The following CHRM3 variants were observed in gnomAD, a reference collection of about 807,000 sequenced individuals.
The protein encoded by CHRM3 is muscarinic acetylcholine receptor M3.
A neutral mutation model predicts 41.8 loss-of-function variants in CHRM3; 11 were observed. The observed-to-expected ratio is 0.26, with a 90% confidence interval of 0.17 to 0.44. CHRM3 has a LOEUF of 0.44. CHRM3 is among the 20% of genes least tolerant of loss of function. The pLI, the probability that CHRM3 is intolerant of heterozygous loss-of-function variation, is 1.00. For missense variants in CHRM3, 571 were observed against 745.4 expected (o/e 0.77, Z 2.72); for synonymous variants, 297 against 301.4 (o/e 0.99, Z 0.15).
At chr1:239,778,045 C>T (rs1668234655) in intron 5 of CHRM3, among the ~76,000 whole-genome samples, 1 of 152,096 alleles carries the variant, frequency 6.6e-6, no homozygotes, top group African/African-American at 2.4e-5. Context: ...ACTAAAATCT[C>T]AGAAATCACC....
intron 1 of CHRM3, among the ~76,000 whole-genome samples, chr1:239,490,739 ATTAT>A (rs1428251311): frequency 1.3e-5 from 2 of 151,628 alleles, no homozygotes; most frequent in Non-Finnish European, 2.9e-5. Context: ...TTTTGTATTT[ATTAT>A]TTATTTATTT....
intron 5 of CHRM3, among the ~76,000 whole-genome samples, chr1:239,802,263 TAACA>T (rs1443168331): frequency 6.6e-6 from 1 of 152,182 alleles, no homozygotes; most frequent in East Asian, 1.9e-4. Flanking sequence ...TTCAAGCTAA[TAACA>T]AACAATTAAG....
intron 1 of CHRM3, among the ~76,000 whole-genome samples, chr1:239,390,855 G>A (rs888323397): frequency 2.6e-5 from 4 of 152,150 alleles, no homozygotes; most frequent in Non-Finnish European, 4.4e-5. Context: ...AATAATTTTG[G>A]TCTGGGCACA....
At chr1:239,708,736 CTTTTTTTTTT>C (rs869143310) in intron 5 of CHRM3, among the ~76,000 whole-genome samples, 17 of 48,342 alleles carry the variant, frequency 3.5e-4, no homozygotes, top group East Asian at 1.6e-3. Flanking sequence ...TTTAAATTTT[CTTTTTTTTTT>C]TTTTTTTTTT....
chr1:239,511,330 G>A (rs1236556201), intron 2 of CHRM3, among the ~76,000 whole-genome samples: 1 of 152,150 alleles, frequency 6.6e-6, no homozygotes, highest in African/African-American at 2.4e-5. Context: ...TTTTCTTGTA[G>A]TTGTCATCTT....
chr1:239,818,659 G>A (rs1483710161), intron 5 of CHRM3, among the ~76,000 whole-genome samples: 1 of 152,150 alleles, frequency 6.6e-6, no homozygotes, highest in Non-Finnish European at 1.5e-5. Flanking sequence ...TTTATGACAA[G>A]CTTAATTTCA....
rs545390756 is a variant in CHRM3 at position 239,908,369 on chromosome 1, G to T, written c.918G>T (p.Arg306Ser). Residue 306 changes from arginine (R) to serine (S), a missense_variant, in exon 7 of 7, where the codon AGG becomes AGT. This residue lies in a region of CHRM3 where 239 missense variants were observed against 239.6 expected (regional missense o/e 1.00). Coordinates refer to ENST00000676153, the MANE Select transcript of CHRM3 (RefSeq NM_001375978.1). This position sits in a 1 kb window ranked among gnomAD's most constrained non-coding sequence, Gnocchi z 7.2. ...AAAGCATGAAACGCTCCAACAGGAGGAAGTATGGCCGCTGCCACTTCTGGT... is the reference window on the plus strand; with the variant it reads ...AAAGCATGAAACGCTCCAACAGGAGTAAGTATGGCCGCTGCCACTTCTGGT... ...QQQSMKRSNR[R>S]KYGRCHFWFT... 6 of 1,614,066 alleles carry T rather than the reference G, an allele frequency of 3.7e-6. No individual in the cohort carries two copies. In the African/African-American group the frequency reaches 5.3e-5, roughly 14 times the overall value.
At chr1:239,513,148 G>A (rs1669035640) in intron 2 of CHRM3, among the ~76,000 whole-genome samples, 1 of 152,134 alleles carries the variant, frequency 6.6e-6, no homozygotes, top group Non-Finnish European at 1.5e-5. Context: ...TATTTTAGAT[G>A]TTTTTATGGG....
intron 1 of CHRM3, among the ~76,000 whole-genome samples, chr1:239,408,583 T>TAA (rs1166445470): frequency 6.6e-6 from 1 of 151,436 alleles, no homozygotes; most frequent in Non-Finnish European, 1.5e-5. Context: ...GGGTATGTCC[T>TAA]TATAGCAGCG....
chr1:239,885,638 C>A (rs770748558), intron 6 of CHRM3, among the ~76,000 whole-genome samples: 1 of 152,156 alleles, frequency 6.6e-6, no homozygotes, highest in Non-Finnish European at 1.5e-5. Context: ...AAGTGTACTT[C>A]AGCGACGCAT....
At chr1:239,436,582 C>A (rs903280283) in intron 1 of CHRM3, among the ~76,000 whole-genome samples, 2 of 151,910 alleles carry the variant, frequency 1.3e-5, no homozygotes, top group African/African-American at 4.8e-5. Flanking sequence ...CATTCAGGAA[C>A]AGCCAAGGGA....
chr1:239,763,542 A>G (rs112587847), intron 5 of CHRM3, among the ~76,000 whole-genome samples: 2,592 of 152,336 alleles, frequency 0.017, 32 homozygotes, highest in Non-Finnish European at 0.027. Context: ...TAGAACAAAT[A>G]GTAATCCCAA....
intron 1 of CHRM3, among the ~76,000 whole-genome samples, chr1:239,399,136 G>A (rs1659744639): frequency 6.6e-6 from 1 of 152,154 alleles, no homozygotes; most frequent in African/African-American, 2.4e-5. Flanking sequence ...TGATGATGAT[G>A]ATGACTGCTG....
intron 1 of CHRM3, among the ~76,000 whole-genome samples, chr1:239,468,146 T>G (rs1665866295): frequency 6.6e-6 from 1 of 152,184 alleles, no homozygotes; most frequent in South Asian, 2.1e-4. Context: ...ACTGCTGTTG[T>G]CCCAGGGTTC....
intron 1 of CHRM3, among the ~76,000 whole-genome samples, chr1:239,421,617 T>G (rs1263220111): frequency 6.6e-6 from 1 of 152,212 alleles, no homozygotes; most frequent in African/African-American, 2.4e-5. Context: ...ATAACTTCTT[T>G]GCTCTCTAAA....
intron 4 of CHRM3, among the ~76,000 whole-genome samples, chr1:239,670,117 C>T (rs559536553): frequency 1.3e-5 from 2 of 152,266 alleles, no homozygotes; most frequent in South Asian, 4.1e-4. Context: ...ATAACAAGCG[C>T]TCATCTTTAG....
chr1:239,418,971 G>A (rs1446341464), intron 1 of CHRM3, among the ~76,000 whole-genome samples: 1 of 152,134 alleles, frequency 6.6e-6, no homozygotes, highest in Non-Finnish European at 1.5e-5. Context: ...TGTGTCATTT[G>A]AAATAGACAT....
chr1:239,451,923 A>G (rs949704382), intron 1 of CHRM3, among the ~76,000 whole-genome samples: 1 of 152,160 alleles, frequency 6.6e-6, no homozygotes, highest in Non-Finnish European at 1.5e-5. Context: ...AAAATGCAAT[A>G]TATTTTTAAA....
intron 4 of CHRM3, among the ~76,000 whole-genome samples, chr1:239,656,618 G>T (rs1459507759): frequency 1.3e-5 from 2 of 152,022 alleles, no homozygotes; most frequent in East Asian, 1.9e-4. Flanking sequence ...TGCAACCTGT[G>T]CAACAGAGCG....
Sources: gnomAD v4.1 joint callset for allele counts (sites outside exome capture counted in the v4.1 genomes callset) on GRCh38, gnomAD v4.1.1 for gene constraint, gnomAD v4.1.1 regional missense constraint, Gnocchi (gnomAD v3.1) non-coding constraint, MANE v1.5 for transcripts, NCBI Gene and HGNC (gene_info 2026-07-23, HGNC 2026-07-21) for gene names.